NRXN3: variants seen among roughly 807,000 people sequenced by gnomAD.
NRXN3 encodes neurexin III.
NRXN3 carries 32 observed loss-of-function variants against 137.6 expected under a neutral mutation model. That is an observed-to-expected ratio of 0.23 (90% CI 0.18 to 0.31). NRXN3 has a LOEUF of 0.31. NRXN3 is among the 10% of genes least tolerant of loss of function. The probability of loss-of-function intolerance (pLI) is 1.00; values close to 1 mark genes in which losing one functional copy is unlikely to be tolerated. For synonymous variants in NRXN3, 798 were observed against 784.5 expected (o/e 1.02, Z -0.29); for missense variants, 1,574 against 2,062.5 (o/e 0.76, Z 4.59).
intron 15 of NRXN3, among the ~76,000 whole-genome samples, chr14:79,409,327 G>GTA (rs536290139): frequency 0.013 from 1,945 of 150,872 alleles, 34 homozygotes; most frequent in African/African-American, 0.044. Context: ...GTGTATATGT[G>GTA]TATATATATA....
chr14:78,277,531 C>T (rs1267864041), intron 2 of NRXN3, among the ~76,000 whole-genome samples: 1 of 152,092 alleles, frequency 6.6e-6, no homozygotes. Context: ...CTTTTTCATC[C>T]TCCATCTTAA....
At chr14:79,795,036 C>T (rs2099156955) in intron 19 of NRXN3, among the ~76,000 whole-genome samples, 2 of 152,172 alleles carry the variant, frequency 1.3e-5, no homozygotes, top group African/African-American at 4.8e-5. Context: ...GCAAAAAACC[C>T]TGTGGATGAC....
chr14:78,725,704 C>T (rs747335779), intron 8 of NRXN3, among the ~76,000 whole-genome samples: 3 of 152,154 alleles, frequency 2.0e-5, no homozygotes, highest in Non-Finnish European at 4.4e-5. Flanking sequence ...ACTCTTTTAT[C>T]GGAGTTTACA....
At chr14:79,519,754 G>A (rs1328104503) in intron 16 of NRXN3, among the ~76,000 whole-genome samples, 3 of 143,740 alleles carry the variant, frequency 2.1e-5, no homozygotes, top group Non-Finnish European at 4.5e-5. Flanking sequence ...CAGAAAATGT[G>A]TACAATAGTA....
chr14:78,904,409 T>A (rs146455884), intron 10 of NRXN3, among the ~76,000 whole-genome samples: 52 of 152,188 alleles, frequency 3.4e-4, no homozygotes, highest in African/African-American at 1.1e-3. Flanking sequence ...TGTTTTATGA[T>A]AATAAGCCAG....
At chr14:78,173,188 T>C (rs2058903014) in intron 1 of NRXN3, among the ~76,000 whole-genome samples, 1 of 151,534 alleles carries the variant, frequency 6.6e-6, no homozygotes, top group South Asian at 2.1e-4. Flanking sequence ...GGAGGTGAGG[T>C]TGGAAGTCAC....
At chr14:78,364,970 A>G (rs550324243) in intron 4 of NRXN3, among the ~76,000 whole-genome samples, 2 of 152,308 alleles carry the variant, frequency 1.3e-5, no homozygotes, top group East Asian at 3.9e-4. Flanking sequence ...TGTTTTCACT[A>G]TTGTTAATGA....
At chr14:79,144,233 C>G (rs1488545898) in intron 15 of NRXN3, among the ~76,000 whole-genome samples, 3 of 152,158 alleles carry the variant, frequency 2.0e-5, no homozygotes, top group Non-Finnish European at 4.4e-5. Context: ...AACACAGTCC[C>G]CACCATGCCC....
At chr14:78,815,052 A>C (rs1488395880) in intron 10 of NRXN3, among the ~76,000 whole-genome samples, 1 of 152,126 alleles carries the variant, frequency 6.6e-6, no homozygotes, top group African/African-American at 2.4e-5. Context: ...TTATCTTTCT[A>C]AAATGGAGTG....
intron 8 of NRXN3, among the ~76,000 whole-genome samples, chr14:78,793,523 C>T (rs1179700107): frequency 1.3e-5 from 2 of 152,124 alleles, no homozygotes; most frequent in Non-Finnish European, 2.9e-5. Flanking sequence ...CGCATGGGGG[C>T]AAAGTCTGGA....
At chr14:78,629,894 G>T (rs548316087) in intron 4 of NRXN3, among the ~76,000 whole-genome samples, 15 of 152,158 alleles carry the variant, frequency 9.9e-5, no homozygotes, top group Admixed American at 2.0e-4. Flanking sequence ...GTAATTACTA[G>T]TTCTTCAAAA....
At chr14:78,852,283 A>G (rs995927926) in intron 10 of NRXN3, among the ~76,000 whole-genome samples, 1 of 152,172 alleles carries the variant, frequency 6.6e-6, no homozygotes, top group Non-Finnish European at 1.5e-5. Context: ...TGGCTGCATG[A>G]GTCAGTTTTT....
intron 15 of NRXN3, among the ~76,000 whole-genome samples, chr14:79,400,032 C>G (rs1216216825): frequency 6.6e-6 from 1 of 152,202 alleles, no homozygotes; most frequent in East Asian, 1.9e-4. Context: ...GTGTGTGCTC[C>G]TGTCTTTACG....
intron 4 of NRXN3, among the ~76,000 whole-genome samples, chr14:78,470,088 C>T (rs1256514908): frequency 6.6e-6 from 1 of 152,152 alleles, no homozygotes; most frequent in Non-Finnish European, 1.5e-5. Flanking sequence ...TTTGGCTGGC[C>T]TCTCTGACTT....
At chr14:79,007,089 C>T (rs1015935216) in intron 15 of NRXN3, among the ~76,000 whole-genome samples, 3 of 152,042 alleles carry the variant, frequency 2.0e-5, no homozygotes, top group South Asian at 2.1e-4. Context: ...CCCCCCAACA[C>T]ACTCACGTAA....
At chr14:79,073,344 C>T (rs983052554) in intron 15 of NRXN3, among the ~76,000 whole-genome samples, 13 of 152,224 alleles carry the variant, frequency 8.5e-5, no homozygotes, top group African/African-American at 3.1e-4. Flanking sequence ...GGCATTGAGG[C>T]ATCTAGATAT....
Position 78,920,614 on chromosome 14 carries a change from T to C in NRXN3, c.2276-36628T>C, listed in dbSNP as rs2099268392. On this transcript the variant is annotated intron_variant, in intron 10 of 20. Coordinates refer to ENST00000335750, the MANE Select transcript of NRXN3 (RefSeq NM_001330195.2). ...GGACTCAGTCTCACAAGACTTCTGC[T>C]ACTCTAGACACCAGACACTGTACAT... Among the ~76,000 whole-genome samples, 3 of 152,166 alleles carry C rather than the reference T, an allele frequency of 2.0e-5. No individual in the cohort carries two copies. The South Asian group carries it at 6.2e-4, about 31-fold the overall frequency.
At chr14:79,337,824 G>T (rs2092360969) in intron 15 of NRXN3, among the ~76,000 whole-genome samples, 1 of 152,058 alleles carries the variant, frequency 6.6e-6, no homozygotes, top group Non-Finnish European at 1.5e-5. Flanking sequence ...AGGCTCTTGA[G>T]GTCAGGTTTT....
chr14:79,808,576 T>C (rs1347310150), intron 20 of NRXN3, among the ~76,000 whole-genome samples: 1 of 152,138 alleles, frequency 6.6e-6, no homozygotes, highest in Non-Finnish European at 1.5e-5. Flanking sequence ...CTAACTTCCT[T>C]GGCCTTGTTC....
Sources: gnomAD v4.1 joint callset for allele counts (sites outside exome capture counted in the v4.1 genomes callset) on GRCh38, gnomAD v4.1.1 for gene constraint, MANE v1.5 for transcripts, NCBI Gene and HGNC (gene_info 2026-07-23, HGNC 2026-07-21) for gene names.